WDR59: variants seen among roughly 807,000 people sequenced by gnomAD.
WDR59 encodes the protein GATOR2 complex protein WDR59.
A neutral mutation model predicts 131.2 loss-of-function variants in WDR59; 100 were observed. The ratio of observed to expected loss-of-function variants is 0.76; its 90% CI spans 0.65 to 0.90. The LOEUF (loss-of-function observed/expected upper bound fraction) is 0.90. Ranked by LOEUF, WDR59 falls within the 40% of genes least tolerant of loss-of-function variation. WDR59 has a pLI of 0.00. For missense variants in WDR59, 1,203 were observed against 1,262.2 expected (o/e 0.95, Z 0.71); for synonymous variants, 601 against 466.2 (o/e 1.29, Z -3.72).
At chr16:74,917,566 T>C (rs1012488717) in intron 11 of WDR59, among the ~76,000 whole-genome samples, 1 of 152,070 alleles carries the variant, frequency 6.6e-6, no homozygotes, top group Non-Finnish European at 1.5e-5. Context: ...CCCAGCACTG[T>C]GGGAGGCTGA....
intron 11 of WDR59, 98 bp from the exon 12 acceptor site, chr16:74,916,357 G>C (rs1966385906): frequency 6.7e-7 from 1 of 1,482,864 alleles, no homozygotes; most frequent in Admixed American, 1.7e-5. Context: ...GAAGGGCAAA[G>C]GATGGGGATG....
rs553962153 is a variant in WDR59 at position 74,947,871 on chromosome 16, G to A, written c.445+648C>T. Reference sequence around the variant, plus strand: ...AGATCACTTGAGGTTAGGAGTTCAAGACCAGCCTGGCCAATACAGTGAAAC... The same window carrying A: ...AGATCACTTGAGGTTAGGAGTTCAAAACCAGCCTGGCCAATACAGTGAAAC... On this transcript the variant is annotated intron_variant, in intron 6 of 25. Transcript: ENST00000262144. Among the ~76,000 whole-genome samples the A allele has an allele frequency of 1.8e-4, 27 of 152,272 alleles. No individual in the cohort carries two copies. The South Asian group carries it at 5.4e-3, about 30-fold the overall frequency.
intron 25 of WDR59, among the ~76,000 whole-genome samples, chr16:74,880,330 C>G (rs534171825): frequency 6.6e-6 from 1 of 152,076 alleles, no homozygotes; most frequent in South Asian, 2.1e-4. Flanking sequence ...GCCTGTAGTC[C>G]CAGTTACTCG....
At chr16:74,943,694 G>C (rs1338920957) in intron 6 of WDR59, among the ~76,000 whole-genome samples, 4 of 152,132 alleles carry the variant, frequency 2.6e-5, no homozygotes, top group Non-Finnish European at 2.9e-5. Context: ...CATTACTGCT[G>C]TGACACCTGT....
At chr16:74,909,744 A>C in intron 15 of WDR59, 78 bp downstream of exon 15, 1 of 1,570,710 alleles carries the variant, frequency 6.4e-7, no homozygotes, top group Non-Finnish European at 8.6e-7. Flanking sequence ...CAAAACCAGA[A>C]AACCCATGAT....
At chr16:74,909,052 A>C (rs1206902730) in intron 16 of WDR59, 75 bp from the exon 17 acceptor site, 20 of 1,295,702 alleles carry the variant, frequency 1.5e-5, no homozygotes, top group Non-Finnish European at 1.9e-5. Flanking sequence ...AGGACTGGCC[A>C]GTCTTTCTTC....
At chr16:74,968,795 T>TA (rs940703779) in intron 1 of WDR59, among the ~76,000 whole-genome samples, 1 of 151,768 alleles carries the variant, frequency 6.6e-6, no homozygotes, top group Non-Finnish European at 1.5e-5. Flanking sequence ...GGAAGTTATT[T>TA]AAAAAAAAGA....
intron 18 of WDR59, among the ~76,000 whole-genome samples, chr16:74,901,846 C>T (rs1004824874): frequency 2.7e-5 from 4 of 149,604 alleles, no homozygotes; most frequent in African/African-American, 9.7e-5. Flanking sequence ...GATATCATGG[C>T]CATATCACGC....
intron 8 of WDR59, among the ~76,000 whole-genome samples, chr16:74,934,409 A>G (rs960862218): frequency 5.9e-5 from 9 of 152,280 alleles, no homozygotes; most frequent in African/African-American, 1.7e-4. Flanking sequence ...AGGACCCTGG[A>G]GATTTGATAA....
chr16:74,887,358 G>T (rs528577957), intron 23 of WDR59, among the ~76,000 whole-genome samples: 3 of 152,096 alleles, frequency 2.0e-5, no homozygotes, highest in African/African-American at 4.8e-5. Context: ...CATGGGAAGC[G>T]GTAGGTGGCA....
At chr16:74,975,260 C>T (rs1023591603) in intron 1 of WDR59, among the ~76,000 whole-genome samples, 5 of 152,092 alleles carry the variant, frequency 3.3e-5, no homozygotes, top group Admixed American at 3.3e-4. Context: ...ACTCGGGAGG[C>T]TGAGACAGGA....
intron 1 of WDR59, among the ~76,000 whole-genome samples, chr16:74,982,200 T>G (rs984516671): frequency 6.6e-6 from 1 of 151,868 alleles, no homozygotes; most frequent in African/African-American, 2.4e-5. Context: ...TTATTGCTCC[T>G]ATTCATAAAG....
At chr16:74,951,654 T>C in intron 3 of WDR59, 111 bp from the exon 4 acceptor site, 2 of 889,790 alleles carry the variant, frequency 2.2e-6, no homozygotes, top group Non-Finnish European at 3.6e-6. Context: ...ATGGCAAAGA[T>C]CCTTCAGGCT....
chr16:74,887,550 C>G (rs1272754228), intron 23 of WDR59, 133 bp downstream of exon 23: 10 of 836,094 alleles, frequency 1.2e-5, no homozygotes, highest in Non-Finnish European at 1.8e-5. Flanking sequence ...CAAGAGTATC[C>G]CTATCACAGT....
chr16:74,916,271 G>A lies in WDR59; in HGVS notation c.967-12C>T. 6.2e-7 allele frequency: 1 copy of A among 1,613,568 alleles called. No individual in the cohort carries two copies. The highest frequency in any genetic ancestry group is 1.1e-5 in the South Asian group (1 of 91,050). ...TCATTTGCACAAAGCTGCAACAAAGGGTAGAAGATGTAGTTCTAGAGAAGT... is the reference window on the plus strand; with the variant it reads ...TCATTTGCACAAAGCTGCAACAAAGAGTAGAAGATGTAGTTCTAGAGAAGT... On this transcript the variant is annotated splice_polypyrimidine_tract_variant and intron_variant, in intron 11 of 25. Transcript: ENST00000262144.
intron 8 of WDR59, among the ~76,000 whole-genome samples, chr16:74,924,986 A>G (rs537264121): frequency 1.3e-5 from 2 of 152,282 alleles, no homozygotes; most frequent in Non-Finnish European, 2.9e-5. Flanking sequence ...CCACTCCTAC[A>G]TAACTGCCCT....
At chr16:74,920,825 C>A (rs559325899) in intron 10 of WDR59, among the ~76,000 whole-genome samples, 3 of 152,216 alleles carry the variant, frequency 2.0e-5, no homozygotes, top group Admixed American at 6.5e-5. Context: ...ACAGGCAAAC[C>A]TAAACTACTT....
rs1199381453 is a variant in WDR59, at chr16:74,873,712, T to G, written c.*497A>C. Reference sequence around the variant, plus strand: ...GCATATTTACAATTTAAGTGTCATATTTTAGAAGGCCACTGTCCATCAGCT... The same window carrying G: ...GCATATTTACAATTTAAGTGTCATAGTTTAGAAGGCCACTGTCCATCAGCT... On this transcript the variant is annotated 3_prime_UTR_variant, in exon 26 of 26. Coordinates refer to ENST00000262144, the MANE Select transcript of WDR59 (RefSeq NM_030581.4). 2 of 153,788 alleles carry G rather than the reference T, an allele frequency of 1.3e-5. No individual in the cohort carries two copies. Among genetic ancestry groups the G allele is most frequent in the Non-Finnish European group, 2.9e-5 (2 of 69,176 alleles). The allele number at this position is 153,788 out of a possible 1,614,324, so 9.5% of individuals were successfully genotyped here. A position where few individuals can be genotyped will look rare whatever the true frequency, so the allele number is the denominator to read the frequency against.
rs759083994 is a variant in WDR59, at chr16:74,886,307, G to A, written c.2509C>T (p.Arg837Cys). ...RFGSLTYSDP[R>C]ERERDQHDKN... ...TCATGCTGGTCGCGTTCTCGCTCAC[G>A]GGGATCACTGTAGGTCAGACTCCCA... is the stretch of plus-strand genomic sequence containing the variant. Residue 837 changes from arginine (R) to cysteine (C), a missense_variant, in exon 24 of 26, where the codon CGT (arginine) becomes TGT (cysteine). By Grantham distance (180) the Arg-to-Cys change is radical. Coordinates refer to ENST00000262144, the MANE Select transcript of WDR59 (RefSeq NM_030581.4). 19 of 1,613,834 alleles carry A rather than the reference G, an allele frequency of 1.2e-5. No homozygotes were observed. In the East Asian group the frequency reaches 2.5e-4, roughly 21 times the overall value.
Sources: allele counts gnomAD v4.1 joint callset (sites outside exome capture counted in the v4.1 genomes callset), GRCh38; gene constraint gnomAD v4.1.1; transcripts MANE v1.5; gene names NCBI Gene and HGNC (gene_info 2026-07-23, HGNC 2026-07-21).